TACC2: variants seen among roughly 807,000 people sequenced by gnomAD.
TACC2 encodes the protein transforming acidic coiled-coil-containing protein 2.
In TACC2, 137 loss-of-function variants were observed where a neutral mutation model predicts 227.3. The observed-to-expected ratio is 0.60, with a 90% CI of 0.52 to 0.69. The LOEUF (loss-of-function observed/expected upper bound fraction) is 0.69, where lower values mean the gene tolerates loss of function less well. Among genes scored for constraint, TACC2 ranks in the 30% least tolerant of loss-of-function variants. TACC2 has a pLI of 0.00. For synonymous variants in TACC2, 1,523 were observed against 1,487.5 expected, an observed-to-expected ratio of 1.02 and a Z score of -0.55; for missense variants, 3,470 against 3,694.4, an observed-to-expected ratio of 0.94 and a Z score of 1.57.
rs2079743360 is a variant in TACC2 at position 122,083,274 on chromosome 10, G to A, written c.774G>A (p.Gln258=). The change falls in exon 4 of 23, where the codon CAG becomes CAA. Residue 258 remains glutamine, a synonymous_variant. Coordinates refer to ENST00000369005, the MANE Select transcript of TACC2 (RefSeq NM_206862.4). The part of the protein sequence containing the change: ...VTPEAPAAAQ[Q]GTESSAVLEK... ...CTGAGGCCCCTGCTGCAGCCCAGCA[G>A]GGCACAGAAAGCTCAGCGGTCTTGG... 6.2e-7 allele frequency: 1 copy of A among 1,613,892 alleles called. No individual in the cohort carries two copies. The highest frequency in any genetic ancestry group is 8.5e-7 in the Non-Finnish European group (1 of 1,180,014).
chr10:122,247,078 A>C (rs1001931692), intron 19 of TACC2: 3 of 152,546 alleles, frequency 2.0e-5, no homozygotes, highest in African/African-American at 7.2e-5. Context: ...GTGGGCAAGG[A>C]TTTGGGTGTT....
chr10:121,993,993 A>G (rs774358940), intron 1 of TACC2, among the ~76,000 whole-genome samples: 3 of 152,096 alleles, frequency 2.0e-5, no homozygotes, highest in Non-Finnish European at 4.4e-5. Flanking sequence ...CTGTATCTTA[A>G]TATTTTTCAC....
rs931938252 is a variant in TACC2 at position 122,143,490 on chromosome 10, T to C, written c.5700-82T>C. 30 of 1,231,072 alleles carry C rather than the reference T, an allele frequency of 2.4e-5. No individual in the cohort carries two copies. The African/African-American group carries it at 1.0e-3, about 42-fold the overall frequency. The allele number at this position is 1,231,072 out of a possible 1,614,324, so 76.3% of individuals were successfully genotyped here. On this transcript the variant is annotated intron_variant, in intron 6 of 22. Coordinates refer to ENST00000369005, the MANE Select transcript of TACC2 (RefSeq NM_206862.4). ...CCATTCCATGTGTGGGCGGGTGGGTTGGGTGGGGTGAATGGGGCCTGATGA... is the reference window on the plus strand; with the variant it reads ...CCATTCCATGTGTGGGCGGGTGGGTCGGGTGGGGTGAATGGGGCCTGATGA...
Position 122,083,008 on chromosome 10 carries a change from G to T in TACC2, c.508G>T (p.Val170Phe). Residue 170 changes from valine to phenylalanine, a missense_variant, in exon 4 of 23, where the codon GTC (valine) becomes TTC (phenylalanine). Physicochemically the swap from Val to Phe is conservative, Grantham distance 50. Transcript: ENST00000369005. ...SSTPYQEIAA[V>F]PSAGRERQPK... Reference sequence around the variant, plus strand: ...TACTCCATACCAAGAGATTGCTGCCGTCCCCAGTGCTGGAAGAGAGAGACA... The same window carrying T: ...TACTCCATACCAAGAGATTGCTGCCTTCCCCAGTGCTGGAAGAGAGAGACA... The T allele has an allele frequency of 4.3e-6, 7 of 1,612,058 alleles. No individual in the cohort carries two copies. Among genetic ancestry groups the T allele is most frequent in the Non-Finnish European group, 5.9e-6 (7 of 1,179,878 alleles).
chr10:122,194,893 A>T lies in TACC2; in HGVS notation c.5835-147A>T, dbSNP rs776243540. ...GATTCAACCTTAGGAATCACGACTG[A>T]GAAAATGACTTTCCTCTCATCTGTC... On this transcript the variant is annotated intron_variant, in intron 7 of 22. Transcript: ENST00000369005. This position sits in a 1 kb window ranked among gnomAD's most constrained non-coding sequence, Gnocchi z 4.4. 6.5e-5 allele frequency: 46 copies of T among 708,960 alleles called. No individual in the cohort carries two copies. Among genetic ancestry groups the T allele is most frequent in the Non-Finnish European group, 1.0e-4 (45 of 434,598 alleles). The allele number at this position is 708,960 out of a possible 1,614,324, so 43.9% of individuals were successfully genotyped here.
At chr10:122,193,483 C>T (rs1221175030) in intron 7 of TACC2, among the ~76,000 whole-genome samples, 1 of 152,102 alleles carries the variant, frequency 6.6e-6, no homozygotes, top group Admixed American at 6.5e-5. Flanking sequence ...AGCTCAGCAA[C>T]GTGAGCATCT....
chr10:122,112,423 A>G (rs1435329923), intron 5 of TACC2, among the ~76,000 whole-genome samples: 1 of 152,356 alleles, frequency 6.6e-6, no homozygotes, highest in Non-Finnish European at 1.5e-5. Flanking sequence ...CAGAGTGTGC[A>G]ACAGCCAAAT....
At chr10:122,235,622 T>A (rs2095842773) in intron 16 of TACC2, among the ~76,000 whole-genome samples, 1 of 152,306 alleles carries the variant, frequency 6.6e-6, no homozygotes, top group East Asian at 1.9e-4. Context: ...ATTTTTCAGC[T>A]ACTTCCTGAG....
intron 7 of TACC2, among the ~76,000 whole-genome samples, chr10:122,190,915 A>G (rs1331874365): frequency 1.3e-5 from 2 of 152,212 alleles, no homozygotes; most frequent in African/African-American, 2.4e-5. Flanking sequence ...ATGCTATTAC[A>G]AGCATATTGT....
chr10:122,108,727 G>A (rs2083235378), intron 5 of TACC2, among the ~76,000 whole-genome samples: 1 of 150,288 alleles, frequency 6.7e-6, no homozygotes, highest in Non-Finnish European at 1.5e-5. Flanking sequence ...ACAGGTGTGA[G>A]CCATCGCCCG....
Position 122,087,735 on chromosome 10 carries a change from C to T in TACC2, c.5235C>T (p.Ser1745=). The T allele has an allele frequency of 6.2e-7, 1 of 1,611,762 alleles. No homozygotes were observed. Among genetic ancestry groups the T allele is most frequent in the Non-Finnish European group, 8.5e-7 (1 of 1,179,346 alleles). The change falls in exon 4 of 23, where the codon AGC becomes AGT. Residue 1745 remains serine (S), a synonymous_variant. Coordinates refer to ENST00000369005, the MANE Select transcript of TACC2 (RefSeq NM_206862.4). ...CAGGTGACTTGGTGCTGCCAGGAAG[C>T]TGTCAGGACCCAGCCTGCTCTGACA... ...VVAGDLVLPG[S]CQDPACSDKA...
Position 122,087,308 on chromosome 10 carries a change from C to T in TACC2, c.4808C>T (p.Thr1603Ile). 4 of 1,614,002 alleles carry T rather than the reference C, an allele frequency of 2.5e-6. No individual in the cohort carries two copies. Among genetic ancestry groups the T allele is most frequent in the Non-Finnish European group, 3.4e-6 (4 of 1,180,024 alleles). The change falls in exon 4 of 23, where the codon ACA becomes ATA. Residue 1603 changes from threonine (T) to isoleucine (I), a missense_variant. Physicochemically the swap from Thr to Ile is moderately conservative, Grantham distance 89. Around this residue, in one of 10 missense-constraint regions of TACC2, gnomAD observed 1,924 missense variants for 1,978.3 expected, o/e 0.97. Transcript: ENST00000369005. ...CCTTCTGGAAAGCAGCACCAGGAAA[C>T]ATCTGCCTGCGACAGTCCACATGGA... ...RIPSGKQHQETSACDSPHGED... is the reference protein window; with the variant it reads ...RIPSGKQHQEISACDSPHGED...
At chr10:122,030,072 C>T (rs1958751794) in intron 2 of TACC2, among the ~76,000 whole-genome samples, 1 of 152,186 alleles carries the variant, frequency 6.6e-6, no homozygotes, top group African/African-American at 2.4e-5. Flanking sequence ...ATGCACAGAA[C>T]AGTCCCCCAC....
chr10:122,052,682 C>CAG (rs2075825616), intron 3 of TACC2: 1 of 133,838 alleles, frequency 7.5e-6, no homozygotes, highest in Non-Finnish European at 1.6e-5. Flanking sequence ...GACTACGCCT[C>CAG]AAAAAAAAAA....
rs569711654 is a variant in TACC2, at chr10:122,244,732, C to T, written c.8392+2731C>T. ...AGAGAGATTGGCAGTTCAGGACCAC[C>T]GTGACTGTAGTCGTATTTTGAAGTC... On this transcript the variant is annotated intron_variant, in intron 19 of 22. Transcript: ENST00000369005. Among the ~76,000 whole-genome samples the T allele has an allele frequency of 4.6e-5, 7 of 152,300 alleles. No individual in the cohort carries two copies. In the South Asian group the frequency reaches 6.2e-4, roughly 14 times the overall value.
intron 7 of TACC2, chr10:122,163,879 C>T: frequency 6.5e-7 from 1 of 1,543,408 alleles, no homozygotes; most frequent in Non-Finnish European, 8.7e-7. Flanking sequence ...CGCGCCAGGA[C>T]GCTGGCCCCG....
Position 122,024,098 on chromosome 10 carries a change from C to T in TACC2, c.33+2084C>T, listed in dbSNP as rs570753175. ...AACAATGCAGAGAGCCCAAGTACGG[C>T]GGCTCATACCTCTAATCCCAGCACT... On this transcript the variant is annotated intron_variant, in intron 2 of 22. Transcript: ENST00000369005. Among the ~76,000 whole-genome samples, 28 of 152,248 alleles carry T rather than the reference C, an allele frequency of 1.8e-4. No homozygotes were observed. In the South Asian group the frequency reaches 3.9e-3, roughly 21 times the overall value.
intron 3 of TACC2, among the ~76,000 whole-genome samples, chr10:122,075,142 G>T (rs898306381): frequency 6.6e-6 from 1 of 150,944 alleles, no homozygotes; most frequent in Non-Finnish European, 1.5e-5. Context: ...CCCTTTCCAC[G>T]CTGTGGAAGC....
intron 3 of TACC2, among the ~76,000 whole-genome samples, chr10:122,076,296 G>A (rs1353762028): frequency 1.3e-5 from 2 of 152,116 alleles, no homozygotes; most frequent in Non-Finnish European, 2.9e-5. Context: ...ATCCATGAAT[G>A]GATTAACCTA....
Sources: gnomAD v4.1 joint callset for allele counts (sites outside exome capture counted in the v4.1 genomes callset) on GRCh38, gnomAD v4.1.1 for gene constraint, gnomAD v4.1.1 regional missense constraint, Gnocchi (gnomAD v3.1) non-coding constraint, MANE v1.5 for transcripts, NCBI Gene and HGNC (gene_info 2026-07-23, HGNC 2026-07-21) for gene names.